UBE2W: variants seen among roughly 807,000 people sequenced by gnomAD.
The protein encoded by UBE2W is ubiquitin conjugating enzyme E2 W.
Under a neutral mutation model 27.2 loss-of-function variants are expected in UBE2W, and 18 were observed. The observed-to-expected ratio is 0.66, with a 90% CI of 0.46 to 0.98. The LOEUF (loss-of-function observed/expected upper bound fraction) is 0.98, where lower values mean the gene tolerates loss of function less well. Among genes scored for constraint, UBE2W ranks in the 50% least tolerant of loss-of-function variants. The pLI, the probability that UBE2W is intolerant of heterozygous loss-of-function variation, is 0.00. For synonymous variants in UBE2W, 53 were observed against 57.2 expected (o/e 0.93, Z 0.33); for missense variants, 90 against 180.2 (o/e 0.50, Z 2.87).
Position 73,871,555 on chromosome 8 carries a change from A to C in UBE2W, c.15+7253T>G, listed in dbSNP as rs377501113. Among the ~76,000 whole-genome samples, 207 of 152,326 alleles carry C rather than the reference A, an allele frequency of 1.4e-3. 2 individuals carry two copies. The Middle Eastern group carries it at 0.048, about 35-fold the overall frequency. ...TACAAAAGCAGCTAAATGAAAGTAG[A>C]GTATTTTCTTAGAATAAAACAACTC... is the stretch of plus-strand genomic sequence containing the variant. On this transcript the variant is annotated intron_variant, in intron 1 of 5. Coordinates refer to ENST00000602593, the MANE Select transcript of UBE2W (RefSeq NM_018299.6).
intron 3 of UBE2W, among the ~76,000 whole-genome samples, chr8:73,814,911 T>C (rs1333141257): frequency 6.6e-6 from 1 of 152,198 alleles, no homozygotes; most frequent in Non-Finnish European, 1.5e-5. Context: ...AGAGAAATAA[T>C]TATGCTCAGG....
At chr8:73,847,215 G>A (rs959713145) in intron 1 of UBE2W, among the ~76,000 whole-genome samples, 13 of 151,870 alleles carry the variant, frequency 8.6e-5, no homozygotes, top group Admixed American at 2.0e-4. Flanking sequence ...TCTAGAATTC[G>A]TAATTCACAA....
intron 1 of UBE2W, among the ~76,000 whole-genome samples, chr8:73,835,177 G>A (rs562419537): frequency 2.8e-4 from 43 of 151,392 alleles, no homozygotes; most frequent in Middle Eastern, 6.8e-3. Flanking sequence ...CTAAAAAAGC[G>A]CTTTATTGGT....
intron 3 of UBE2W, among the ~76,000 whole-genome samples, chr8:73,816,336 C>T (rs372078906): frequency 5.9e-5 from 9 of 152,258 alleles, no homozygotes; most frequent in South Asian, 4.1e-4. Context: ...GTGTCCAAGA[C>T]GCTTGTCAAT....
In UBE2W at chr8:73,787,712, C is replaced by T. The variant is rs536866467; in HGVS notation, c.*6390G>A. The T allele has an allele frequency of 1.0e-6, 1 of 985,394 alleles. No homozygotes were observed. Among genetic ancestry groups the T allele is most frequent in the Admixed American group, 6.1e-5 (1 of 16,286 alleles). The allele number at this position is 985,394 out of a possible 1,614,324, so 61.0% of individuals were successfully genotyped here. A position where few individuals can be genotyped will look rare whatever the true frequency, so the allele number is the denominator to read the frequency against. Reference sequence around the variant, plus strand: ...TTCCTCTTCTTGCAGCTTCAAGAGTCACTCATTTAAGTCATTAGTTGATCT... The same window carrying T: ...TTCCTCTTCTTGCAGCTTCAAGAGTTACTCATTTAAGTCATTAGTTGATCT... On this transcript the variant is annotated 3_prime_UTR_variant, in exon 6 of 6. Coordinates refer to ENST00000602593, the MANE Select transcript of UBE2W (RefSeq NM_018299.6).
chr8:73,821,596 A>T (rs935358451), intron 3 of UBE2W, among the ~76,000 whole-genome samples: 2 of 135,100 alleles, frequency 1.5e-5, no homozygotes, highest in African/African-American at 5.6e-5. Flanking sequence ...TGTGTGTGGT[A>T]TGTAACCAGT....
intron 1 of UBE2W, chr8:73,870,242 A>T: frequency 6.3e-7 from 1 of 1,579,882 alleles, no homozygotes; most frequent in Admixed American, 1.8e-5. Flanking sequence ...AGTTTTGAAG[A>T]GGATTGGCAA....
At chr8:73,866,004 G>A (rs118144775) in intron 1 of UBE2W, among the ~76,000 whole-genome samples, 1,893 of 152,078 alleles carry the variant, frequency 0.012, 21 homozygotes, top group Non-Finnish European at 0.018. Context: ...CAGACCAGGA[G>A]CAGTGGCTCA....
chr8:73,866,691 A>C (rs1227971978), intron 1 of UBE2W, among the ~76,000 whole-genome samples: 1 of 152,152 alleles, frequency 6.6e-6, no homozygotes, highest in Non-Finnish European at 1.5e-5. Context: ...AAAAACATAA[A>C]TTTTGCCAAA....
At chr8:73,827,885 T>C (rs556331848) in intron 2 of UBE2W, among the ~76,000 whole-genome samples, 13 of 152,276 alleles carry the variant, frequency 8.5e-5, no homozygotes, top group African/African-American at 2.6e-4. Context: ...GATATGTTCA[T>C]TGTAGAAACT....
intron 1 of UBE2W, among the ~76,000 whole-genome samples, chr8:73,869,279 C>T (rs569912184): frequency 1.8e-4 from 27 of 152,182 alleles, no homozygotes; most frequent in Admixed American, 1.7e-3. Flanking sequence ...TTTTTAAGGC[C>T]GGGCACAGTG....
At chr8:73,832,125 A>C (rs147849804) in intron 1 of UBE2W, among the ~76,000 whole-genome samples, 7,512 of 145,160 alleles carry the variant, frequency 0.052, 620 homozygotes, top group African/African-American at 0.19. Context: ...AACAAACAAA[A>C]AAAATAAATA....
chr8:73,868,351 G>A (rs939770052), intron 1 of UBE2W, among the ~76,000 whole-genome samples: 3 of 152,164 alleles, frequency 2.0e-5, no homozygotes, highest in Non-Finnish European at 4.4e-5. Context: ...TACCCCACGG[G>A]GCCAAAGGCT....
chr8:73,841,857 G>T (rs767541875), intron 1 of UBE2W, among the ~76,000 whole-genome samples: 3 of 152,130 alleles, frequency 2.0e-5, no homozygotes, highest in Non-Finnish European at 4.4e-5. Context: ...TCAGTGTAAA[G>T]GTGAACAAGA....
chr8:73,782,400 A>G (rs1056802384), downstream of UBE2W, among the ~76,000 whole-genome samples: 4 of 152,058 alleles, frequency 2.6e-5, no homozygotes, highest in African/African-American at 9.7e-5. Flanking sequence ...TCCCCTTTGT[A>G]ATCTCCCCTT....
In UBE2W at chr8:73,803,042, C is replaced by CAAAAAT. The variant is rs1305716472; in HGVS notation, c.442+2603_442+2608dup. Among the ~76,000 whole-genome samples, 10 of 149,238 alleles carry CAAAAAT rather than the reference C, an allele frequency of 6.7e-5. 1 individual carries two copies. The highest frequency in any genetic ancestry group is 2.0e-4 in the African/African-American group (8 of 40,414). Reference sequence around the variant, plus strand: ...GTCTCAAAATAAATAAATAAATAAACAAAAATAAAAATAAAAATACAAAAA... The same window carrying CAAAAAT: ...GTCTCAAAATAAATAAATAAATAAACAAAAATAAAAATAAAAATAAAAATACAAAAA... On this transcript the variant is annotated intron_variant, in intron 5 of 5. Coordinates refer to ENST00000602593, the MANE Select transcript of UBE2W (RefSeq NM_018299.6).
chr8:73,860,309 T>G (rs2130969666), intron 1 of UBE2W, among the ~76,000 whole-genome samples: 1 of 152,298 alleles, frequency 6.6e-6, no homozygotes, highest in East Asian at 1.9e-4. Flanking sequence ...CTTTACTTTC[T>G]CTAACTGGGA....
intron 1 of UBE2W, among the ~76,000 whole-genome samples, chr8:73,859,636 T>C (rs1245536163): frequency 6.6e-6 from 1 of 152,152 alleles, no homozygotes; most frequent in East Asian, 1.9e-4. Flanking sequence ...ATAGGTTAGG[T>C]TTCCAGTTAA....
intron 5 of UBE2W, among the ~76,000 whole-genome samples, chr8:73,805,138 T>G (rs1055030561): frequency 6.6e-6 from 1 of 152,000 alleles, no homozygotes; most frequent in Non-Finnish European, 1.5e-5. Context: ...ATGATGGCTA[T>G]GATTTTGTTT....
Sources: gnomAD v4.1 joint callset for allele counts (sites outside exome capture counted in the v4.1 genomes callset) on GRCh38, gnomAD v4.1.1 for gene constraint, MANE v1.5 for transcripts, NCBI Gene and HGNC (gene_info 2026-07-23, HGNC 2026-07-21) for gene names.